Variants in WDR37 observed in about 807,000 individuals in gnomAD.
WDR37 encodes the protein WD repeat-containing protein 37.
WDR37 carries 19 observed loss-of-function variants against 62.9 expected under a neutral mutation model. The observed-to-expected ratio is 0.30, with a 90% confidence interval of 0.21 to 0.44. The LOEUF (loss-of-function observed/expected upper bound fraction) is 0.44, where lower values mean the gene tolerates loss of function less well. Ranked by LOEUF, WDR37 falls within the 20% of genes least tolerant of loss-of-function variation. WDR37 has a pLI of 1.00. For synonymous variants in WDR37, 250 were observed against 260.9 expected (o/e 0.96, Z 0.40); for missense variants, 474 against 657.6 (o/e 0.72, Z 3.05).
chr10:1,110,209 C>T (rs1410474971), intron 11 of WDR37, among the ~76,000 whole-genome samples: 2 of 152,198 alleles, frequency 1.3e-5, no homozygotes, highest in African/African-American at 4.8e-5. Context: ...AGCTTCCCCT[C>T]ACCGGCCTGG....
intron 1 of WDR37, among the ~76,000 whole-genome samples, chr10:1,061,492 C>A (rs1169613237): frequency 6.6e-6 from 1 of 151,960 alleles, no homozygotes; most frequent in African/African-American, 2.4e-5. Flanking sequence ...AGGTTGTAGT[C>A]AAAATGTGGG....
rs58601779 is a variant in WDR37, at chr10:1,077,457, A to G, written c.139-450A>G. On this transcript the variant is annotated intron_variant, in intron 2 of 13. Transcript: ENST00000263150. ...TGGGAGAGTGACTGTGCTTTTGCTTAAAGTGCAGTGGGTGTGGCGGGAACT... is the reference window on the plus strand; with the variant it reads ...TGGGAGAGTGACTGTGCTTTTGCTTGAAGTGCAGTGGGTGTGGCGGGAACT... Among the ~76,000 whole-genome samples the G allele has an allele frequency of 8.8e-3, 1,341 of 152,250 alleles. 13 individuals are homozygous for G. Among genetic ancestry groups the G allele is most frequent in the African/African-American group, 0.021 (866 of 41,544 alleles).
At chr10:1,093,407 T>C in intron 7 of WDR37, 45 bp from the exon 8 acceptor site, 2 of 1,486,058 alleles carry the variant, frequency 1.3e-6, no homozygotes, top group Non-Finnish European at 1.9e-6. Context: ...TGATAACATG[T>C]TTTTGTCACT....
chr10:1,080,024 C>T lies in WDR37; in HGVS notation c.249C>T (p.Ile83=), dbSNP rs762038289. Residue 83 remains isoleucine (I), a synonymous_variant, in exon 4 of 14, where the codon ATC becomes ATT. Coordinates refer to ENST00000263150, the MANE Select transcript of WDR37 (RefSeq NM_014023.4). ...YIENLELRRE[I]DTLNERLAAE... ...TTTTCTTCCCAGTACGTAGAGAAAT[C>T]GACACTCTTAATGAACGTTTAGCTG... 1.6e-5 allele frequency: 26 copies of T among 1,613,746 alleles called. No homozygotes were observed. In the Admixed American group the frequency reaches 3.2e-4, roughly 20 times the overall value.
At chr10:1,106,918 T>C (rs1835041462) in intron 11 of WDR37, among the ~76,000 whole-genome samples, 1 of 152,222 alleles carries the variant, frequency 6.6e-6, no homozygotes, top group Admixed American at 6.5e-5. Context: ...CGTAGAGATC[T>C]TTATGGCAGC....
At position 1,103,982 on chromosome 10, in the gene WDR37, C is replaced by G; in HGVS notation, c.961+146C>G. The stretch of plus-strand genomic sequence containing the variant: ...CTGTGGTAATTTTTGGAGATTCTTT[C>G]TATTAATAATAGAACTATTGGTAGC... On this transcript the variant is annotated intron_variant, in intron 10 of 13. Transcript: ENST00000263150. The surrounding 1 kb of genome is among the most constrained non-coding windows in gnomAD (Gnocchi z 6.3). The G allele has an allele frequency of 1.3e-6, 1 of 780,122 alleles. No individual in the cohort carries two copies. Among genetic ancestry groups the G allele is most frequent in the Non-Finnish European group, 2.0e-6 (1 of 496,220 alleles). 48.3% of individuals were successfully genotyped at this position (780,122 alleles called of 1,614,324 possible). A position where few individuals can be genotyped will look rare whatever the true frequency, so the allele number is the denominator to read the frequency against.
At chr10:1,075,109 A>G (rs1833834899) in intron 2 of WDR37, among the ~76,000 whole-genome samples, 1 of 152,164 alleles carries the variant, frequency 6.6e-6, no homozygotes, top group Non-Finnish European at 1.5e-5. Flanking sequence ...TGGCACAGAA[A>G]GGGAGAACTG....
At chr10:1,057,381 T>G (rs1405482293) in intron 1 of WDR37, among the ~76,000 whole-genome samples, 1 of 151,756 alleles carries the variant, frequency 6.6e-6, no homozygotes, top group Non-Finnish European at 1.5e-5. Context: ...TGCTTCGGCC[T>G]GGGCATCCCG....
Position 1,096,268 on chromosome 10 carries a change from T to C in WDR37, c.726+22T>C, listed in dbSNP as rs10794716. ...TAGTGTAAGCACCTTTCCTTACCTG[T>C]GAATGTGTAGGATGCTGATGTCTGC... On this transcript the variant is annotated intron_variant, in intron 9 of 13. Transcript: ENST00000263150. 1 allele frequency: 1,610,404 copies of C among 1,613,106 alleles called. 803,881 individuals are homozygous for C. Among genetic ancestry groups the C allele is most frequent in the South Asian group, 1 (91,059 of 91,064 alleles).
chr10:1,124,121 G>T, intron 11 of WDR37, 97 bp from the exon 12 acceptor site: 2 of 1,553,174 alleles, frequency 1.3e-6, no homozygotes, highest in South Asian at 2.3e-5. Flanking sequence ...GCGCTTCTCC[G>T]ACCTCCTTCC....
At chr10:1,107,175 G>C (rs1835050010) in intron 11 of WDR37, among the ~76,000 whole-genome samples, 1 of 152,234 alleles carries the variant, frequency 6.6e-6, no homozygotes, top group African/African-American at 2.4e-5. Context: ...AGATGCTGCA[G>C]CTCGGGGAGC....
At chr10:1,074,309 A>G (rs2131617475) in intron 2 of WDR37, 1 of 1,202,128 alleles carries the variant, frequency 8.3e-7, no homozygotes, top group East Asian at 5.9e-5. Context: ...TGGGCCCTGA[A>G]TGCCCATTCT....
At chr10:1,093,388 A>G (rs1344041383) in intron 7 of WDR37, 64 bp from the exon 8 acceptor site, 15 of 1,305,936 alleles carry the variant, frequency 1.1e-5, no homozygotes, top group Non-Finnish European at 1.4e-5. Flanking sequence ...CGCTATAGCT[A>G]ATAAATGTTG....
At chr10:1,088,279 A>C (rs1435737441) in intron 7 of WDR37, among the ~76,000 whole-genome samples, 2 of 152,212 alleles carry the variant, frequency 1.3e-5, no homozygotes, top group African/African-American at 4.8e-5. Flanking sequence ...TTTCCTTTGC[A>C]TTCAGAAGTT....
intron 1 of WDR37, among the ~76,000 whole-genome samples, chr10:1,059,681 C>G (rs1833311087): frequency 6.6e-6 from 1 of 151,720 alleles, no homozygotes; most frequent in South Asian, 2.1e-4. Context: ...GCTTGTAACC[C>G]CAACTACTCA....
intron 3 of WDR37, among the ~76,000 whole-genome samples, chr10:1,079,696 G>A (rs922980236): frequency 6.6e-6 from 1 of 151,888 alleles, no homozygotes; most frequent in African/African-American, 2.4e-5. Context: ...CACCACGCCC[G>A]GCTATTTTTT....
chr10:1,083,518 T>G (rs1834096019), intron 5 of WDR37, among the ~76,000 whole-genome samples: 3 of 152,240 alleles, frequency 2.0e-5, no homozygotes. Flanking sequence ...CTTAGTTTTT[T>G]TGTTTTATTC....
At chr10:1,100,544 T>C (rs1254152508) in intron 9 of WDR37, among the ~76,000 whole-genome samples, 1 of 152,238 alleles carries the variant, frequency 6.6e-6, no homozygotes, top group Non-Finnish European at 1.5e-5. Flanking sequence ...CTTGAATCAT[T>C]ATAGCTTTTG....
chr10:1,073,445 A>T (rs1589082262), intron 2 of WDR37, among the ~76,000 whole-genome samples: 2 of 152,358 alleles, frequency 1.3e-5, no homozygotes, highest in East Asian at 3.9e-4. Context: ...CACGAAGAGG[A>T]TCTTTACCTC....
Sources: gnomAD v4.1 joint callset for allele counts (sites outside exome capture counted in the v4.1 genomes callset) on GRCh38, gnomAD v4.1.1 for gene constraint, Gnocchi (gnomAD v3.1) non-coding constraint, MANE v1.5 for transcripts, NCBI Gene and HGNC (gene_info 2026-07-23, HGNC 2026-07-21) for gene names.